AKR1C1: variants seen among roughly 807,000 people sequenced by gnomAD.
AKR1C1 encodes aldo-keto reductase family 1 member C1, also known as 20 alpha-hydroxysteroid dehydrogenase.
A neutral mutation model predicts 40.6 loss-of-function variants in AKR1C1; 32 were observed. That is an observed-to-expected ratio of 0.79 (90% CI 0.60 to 1.06). The LOEUF is 1.06. Ranked by LOEUF, AKR1C1 falls within the 50% of genes least tolerant of loss-of-function variation. AKR1C1 has a pLI of 0.00. For synonymous variants in AKR1C1, 105 were observed against 134.2 expected (o/e 0.78, Z 1.50); for missense variants, 320 against 363.5 (o/e 0.88, Z 0.97).
chr10:4,964,478 G>A (rs1347057577), intron 1 of AKR1C1, among the ~76,000 whole-genome samples: 4 of 152,160 alleles, frequency 2.6e-5, no homozygotes, highest in African/African-American at 9.7e-5. Context: ...AAATGATCAA[G>A]GATGGTATGA....
rs1379696519 is a variant in AKR1C1 at position 4,982,007 on chromosome 10, A to T, written c.*4265A>T. The T allele has an allele frequency of 6.6e-6, 1 of 152,320 alleles. No homozygotes were observed. The highest frequency in any genetic ancestry group is 6.5e-5 in the Admixed American group (1 of 15,290). 9.4% of individuals were successfully genotyped at this position (152,320 alleles called of 1,614,324 possible). A position where few individuals can be genotyped will look rare whatever the true frequency, so the allele number is the denominator to read the frequency against. ...GAATGAAAATAGCCTTGCCAACTGC[A>T]TAGGTGCTGGGTGAGGCTCACTGTG... On this transcript the variant is annotated 3_prime_UTR_variant, in exon 9 of 9. Coordinates refer to ENST00000380872, the MANE Select transcript of AKR1C1 (RefSeq NM_001353.6).
chr10:4,977,665 C>T (rs781827746), intron 8 of AKR1C1, 35 bp from the exon 9 acceptor site: 31 of 1,612,278 alleles, frequency 1.9e-5, no homozygotes, highest in Non-Finnish European at 2.5e-5. Context: ...GGAGTCATTG[C>T]CATTCAGAGT....
At chr10:4,964,666 C>A (rs529179600) in intron 1 of AKR1C1, among the ~76,000 whole-genome samples, 1 of 152,314 alleles carries the variant, frequency 6.6e-6, no homozygotes, top group East Asian at 1.9e-4. Context: ...GTAAATTTCA[C>A]TGCAATCATA....
At chr10:4,969,955 T>A in intron 5 of AKR1C1, 1 of 479,162 alleles carries the variant, frequency 2.1e-6, no homozygotes, top group East Asian at 3.8e-5. Flanking sequence ...GTGGTTTTAA[T>A]ACTAGTAGTT....
At chr10:4,967,696 A>G (rs1836354240) in intron 3 of AKR1C1, 2 of 567,490 alleles carry the variant, frequency 3.5e-6, no homozygotes, top group Admixed American at 1.3e-4. Flanking sequence ...AACTCTAAAA[A>G]TATATCCTTT....
rs1314102756 is a variant in AKR1C1, at chr10:4,979,493, C to T, written c.*1751C>T. 2 of 152,226 alleles carry T rather than the reference C, an allele frequency of 1.3e-5. No individual in the cohort carries two copies. Among genetic ancestry groups the T allele is most frequent in the African/African-American group, 4.8e-5 (2 of 41,494 alleles). The allele number at this position is 152,226 out of a possible 1,614,324, so 9.4% of individuals were successfully genotyped here. ...TTCTGAGTCTATGGAATGATAATTT[C>T]ACATCTCATAAACTTGACTGATGTA... is the stretch of plus-strand genomic sequence containing the variant. On this transcript the variant is annotated 3_prime_UTR_variant, in exon 9 of 9. Coordinates refer to ENST00000380872, the MANE Select transcript of AKR1C1 (RefSeq NM_001353.6).
At position 4,982,829 on chromosome 10, in the gene AKR1C1, C is replaced by G; in HGVS notation, c.*5087C>G. 1 of 377,966 alleles carries G rather than the reference C, an allele frequency of 2.6e-6. No homozygotes were observed. The highest frequency in any genetic ancestry group is 2.0e-5 in the South Asian group (1 of 49,016). The allele number at this position is 377,966 out of a possible 1,614,324, so 23.4% of individuals were successfully genotyped here. ...AAGGAAGAATAAATAGAACTGTTCC[C>G]AGGAAGGAGAAAATGCCTGCATGAG... On this transcript the variant is annotated 3_prime_UTR_variant, in exon 9 of 9. Coordinates refer to ENST00000380872, the MANE Select transcript of AKR1C1 (RefSeq NM_001353.6).
chr10:4,967,807 T>C (rs1453416684), intron 3 of AKR1C1: 11 of 194,046 alleles, frequency 5.7e-5, no homozygotes, highest in Admixed American at 1.2e-4. Flanking sequence ...GTCAGGCCCA[T>C]GTTCATTACC....
chr10:4,976,487 A>T (rs114829757), intron 8 of AKR1C1, among the ~76,000 whole-genome samples: 2,249 of 152,290 alleles, frequency 0.015, 47 homozygotes, highest in African/African-American at 0.051. Context: ...TGAGCCAAAC[A>T]CTGCATTTGC....
chr10:4,965,051 C>T (rs1836309247), intron 1 of AKR1C1, among the ~76,000 whole-genome samples: 1 of 152,210 alleles, frequency 6.6e-6, no homozygotes, highest in African/African-American at 2.4e-5. Context: ...CAGAGTGAGT[C>T]AATGTAACCA....
chr10:4,966,089 G>T lies in AKR1C1; in HGVS notation c.252+8G>T, dbSNP rs1410319454. On this transcript the variant is annotated splice_region_variant and intron_variant, in intron 2 of 8. Transcript: ENST00000380872. The stretch of plus-strand genomic sequence containing the variant: ...ATATTCTACACTTCAAAGGTACTGT[G>T]CCTATGATGAGCTTGTGTGCACATG... 6.2e-7 allele frequency: 1 copy of T among 1,609,470 alleles called. No homozygotes were observed. Among genetic ancestry groups the T allele is most frequent in the African/African-American group, 1.3e-5 (1 of 74,776 alleles).
Position 4,968,822 on chromosome 10 carries a change from G to A in AKR1C1, c.448G>A (p.Ala150Thr). Residue 150 changes from alanine (A) to threonine (T), a missense_variant and splice_region_variant, in exon 5 of 9, where the codon GCC becomes ACC. By Grantham distance (58) the Ala-to-Thr change is moderately conservative. Around this residue, in one of 3 missense-constraint regions of AKR1C1, gnomAD observed 214 missense variants for 214.8 expected, o/e 1.00. Transcript: ENST00000380872. Reference sequence around the variant, plus strand: ...ACACCTCACAATTCCTTTTTCCCAGGCCGTGGAGAAGTGTAAAGATGCAGG... The same window carrying A: ...ACACCTCACAATTCCTTTTTCCCAGACCGTGGAGAAGTGTAAAGATGCAGG... ...DTVDLCATWEAVEKCKDAGLA... is the reference protein window; with the variant it reads ...DTVDLCATWETVEKCKDAGLA... 6.2e-7 allele frequency: 1 copy of A among 1,613,908 alleles called. No individual in the cohort carries two copies. The highest frequency in any genetic ancestry group is 1.1e-5 in the South Asian group (1 of 91,056).
intron 7 of AKR1C1, among the ~76,000 whole-genome samples, chr10:4,973,907 A>T (rs1554770169): frequency 1.3e-5 from 1 of 75,886 alleles, no homozygotes; most frequent in Non-Finnish European, 2.6e-5. Context: ...ATATACAGAT[A>T]TATGAAATAT....
chr10:4,967,012 T>A lies in AKR1C1; in HGVS notation c.338T>A (p.Leu113His). 6.2e-7 allele frequency: 1 copy of A among 1,613,922 alleles called. No homozygotes were observed. The highest frequency in any genetic ancestry group is 1.1e-5 in the South Asian group (1 of 91,074). The change falls in exon 3 of 9, where the codon CTC becomes CAC. Residue 113 changes from leucine to histidine, a missense_variant. By Grantham distance (99) the Leu-to-His change is moderately conservative. Transcript: ENST00000380872. Reference protein sequence around the residue: ...LKNLQLDYVDLYLIHFPVSVK... With the variant: ...LKNLQLDYVDHYLIHFPVSVK... Reference sequence around the variant, plus strand: ...AATCTTCAATTGGATTATGTTGACCTCTACCTTATTCATTTTCCAGTGTCT... The same window carrying A: ...AATCTTCAATTGGATTATGTTGACCACTACCTTATTCATTTTCCAGTGTCT...
At chr10:4,975,432 A>C (rs565963346) in intron 7 of AKR1C1, among the ~76,000 whole-genome samples, 1 of 151,658 alleles carries the variant, frequency 6.6e-6, no homozygotes, top group Non-Finnish European at 1.5e-5. Flanking sequence ...GTTGAAAACT[A>C]ATTTTTCCTA....
At chr10:4,968,687 A>T in intron 4 of AKR1C1, 135 bp from the exon 5 acceptor site, 1 of 1,432,130 alleles carries the variant, frequency 7.0e-7, no homozygotes, top group Non-Finnish European at 9.4e-7. Flanking sequence ...TTCTTCCCCA[A>T]TTTTCTGTTT....
chr10:4,978,806 A>G lies in AKR1C1; in HGVS notation c.*1064A>G, dbSNP rs1159442786. ...TTCAAAGGTCTTTTGGAAACAGGCTATGTAAAACAGCACACTGGTTTCAAA... is the reference window on the plus strand; with the variant it reads ...TTCAAAGGTCTTTTGGAAACAGGCTGTGTAAAACAGCACACTGGTTTCAAA... On this transcript the variant is annotated 3_prime_UTR_variant, in exon 9 of 9. Coordinates refer to ENST00000380872, the MANE Select transcript of AKR1C1 (RefSeq NM_001353.6). The G allele has an allele frequency of 6.6e-6, 1 of 152,240 alleles. No individual in the cohort carries two copies. The highest frequency in any genetic ancestry group is 1.5e-5 in the Non-Finnish European group (1 of 68,032). 9.4% of individuals were successfully genotyped at this position (152,240 alleles called of 1,614,324 possible).
chr10:4,968,181 A>G (rs1836359252), intron 3 of AKR1C1, 128 bp from the exon 4 acceptor site: 2 of 1,227,862 alleles, frequency 1.6e-6, no homozygotes, highest in South Asian at 2.7e-5. Flanking sequence ...CACTCTGTAC[A>G]TACCACTCTC....
At chr10:4,970,434 C>A (rs1179430159) in intron 5 of AKR1C1, among the ~76,000 whole-genome samples, 1 of 152,168 alleles carries the variant, frequency 6.6e-6, no homozygotes, top group Non-Finnish European at 1.5e-5. Flanking sequence ...TGTTTTATTA[C>A]ATTGACTTAA....
Sources: allele counts gnomAD v4.1 joint callset (sites outside exome capture counted in the v4.1 genomes callset), GRCh38; gene constraint gnomAD v4.1.1; regional missense constraint gnomAD v4.1.1; transcripts MANE v1.5; gene names NCBI Gene and HGNC (gene_info 2026-07-23, HGNC 2026-07-21).